The following PAK2 variants were observed in gnomAD, a reference collection of about 807,000 sequenced individuals.
PAK2 encodes p21 (RAC1) activated kinase 2, also known as serine/threonine-protein kinase PAK 2.
In PAK2, 21 loss-of-function variants were observed where a neutral mutation model predicts 65.9. That is an observed-to-expected ratio of 0.32 (90% confidence interval 0.23 to 0.46). The LOEUF (loss-of-function observed/expected upper bound fraction) is 0.46. Among genes scored for constraint, PAK2 ranks in the 20% least tolerant of loss-of-function variants. The probability of loss-of-function intolerance (pLI) is 1.00; values close to 1 mark genes in which losing one functional copy is unlikely to be tolerated. For missense variants in PAK2, 324 were observed against 642.6 expected (o/e 0.50, Z 5.36); for synonymous variants, 204 against 219.7 (o/e 0.93, Z 0.63).
At chr3:196,774,002 C>T (rs189219370) in intron 1 of PAK2, among the ~76,000 whole-genome samples, 1 of 152,252 alleles carries the variant, frequency 6.6e-6, no homozygotes, top group Non-Finnish European at 1.5e-5. Flanking sequence ...CACTGCACTC[C>T]AGCCTGGGGA....
rs761844458 is a variant in PAK2 at position 196,805,357 on chromosome 3, G to C, written c.442G>C (p.Asp148His). The C allele has an allele frequency of 1.4e-6, 2 of 1,446,410 alleles. No homozygotes were observed. The highest frequency in any genetic ancestry group is 2.6e-5 in the South Asian group (2 of 77,398). 89.6% of individuals were successfully genotyped at this position (1,446,410 alleles called of 1,614,324 possible). ...KYLSFTPPEKDGFPSGTPALN... is the reference protein window; with the variant it reads ...KYLSFTPPEKHGFPSGTPALN... The stretch of plus-strand genomic sequence containing the variant: ...ATGTTTTGTTTCATATTCAGAGAAA[G>C]ATGGCTTTCCTTCTGGAACACCAGC... The change falls in exon 5 of 15, where the codon GAT becomes CAT. Residue 148 changes from aspartate to histidine, a missense_variant. Around this residue, in one of 5 missense-constraint regions of PAK2, gnomAD observed 183 missense variants for 246.2 expected, o/e 0.74. Coordinates refer to ENST00000327134, the MANE Select transcript of PAK2 (RefSeq NM_002577.4).
rs1713124925 is a variant in PAK2, at chr3:196,739,922, G to C, written c.-257G>C. ...GGTTGTTCCGCTTCCCCTCCGGCCCGGGCCGTCGCCATTGCCGAAGGCTCC... is the reference window on the plus strand; with the variant it reads ...GGTTGTTCCGCTTCCCCTCCGGCCCCGGCCGTCGCCATTGCCGAAGGCTCC... On this transcript the variant is annotated 5_prime_UTR_variant, in exon 1 of 15. Coordinates refer to ENST00000327134, the MANE Select transcript of PAK2 (RefSeq NM_002577.4). 6.6e-6 allele frequency: 1 copy of C among 152,084 alleles called. No homozygotes were observed. The highest frequency in any genetic ancestry group is 6.5e-5 in the Admixed American group (1 of 15,276). The allele number at this position is 152,084 out of a possible 1,614,324, so 9.4% of individuals were successfully genotyped here.
intron 2 of PAK2, among the ~76,000 whole-genome samples, chr3:196,793,712 CAAGAA>C (rs1443662898): frequency 6.6e-6 from 1 of 152,050 alleles, no homozygotes. Context: ...ATCCATGAAA[CAAGAA>C]AAGAGTTCGC....
In PAK2 at chr3:196,739,997, G is replaced by A. The variant is rs1713128563; in HGVS notation, c.-182G>A. The A allele has an allele frequency of 1.3e-5, 2 of 151,726 alleles. No homozygotes were observed. The highest frequency in any genetic ancestry group is 4.1e-4 in the South Asian group (2 of 4,824). 9.4% of individuals were successfully genotyped at this position (151,726 alleles called of 1,614,324 possible). On this transcript the variant is annotated 5_prime_UTR_variant, in exon 1 of 15. Transcript: ENST00000327134. ...CAGGACTCCGCCGCCGCTGGGCCTA[G>A]CGGTAGCAGCGGCTGCTCCAGCGCG...
At chr3:196,746,069 C>T (rs1313528151) in intron 1 of PAK2, among the ~76,000 whole-genome samples, 4 of 151,672 alleles carry the variant, frequency 2.6e-5, no homozygotes, top group African/African-American at 7.3e-5. Flanking sequence ...CCTCGTGATC[C>T]GCCTGCCTCA....
chr3:196,808,634 G>C (rs944421318), intron 7 of PAK2, among the ~76,000 whole-genome samples: 1 of 150,752 alleles, frequency 6.6e-6, no homozygotes, highest in Non-Finnish European at 1.5e-5. Context: ...GGAGACCAAG[G>C]TGGGTGGATC....
chr3:196,825,553 G>A (rs1296986482), intron 13 of PAK2, among the ~76,000 whole-genome samples: 1 of 151,786 alleles, frequency 6.6e-6, no homozygotes, highest in East Asian at 1.9e-4. Context: ...TGAGGCAGGA[G>A]AATCGCTTGA....
At chr3:196,788,380 A>G (rs1266205692) in intron 2 of PAK2, among the ~76,000 whole-genome samples, 1 of 152,220 alleles carries the variant, frequency 6.6e-6, no homozygotes, top group African/African-American at 2.4e-5. Context: ...AAAAACAGCT[A>G]ATATTTTTAT....
chr3:196,822,864 C>G (rs891651132), intron 13 of PAK2, among the ~76,000 whole-genome samples: 4 of 152,084 alleles, frequency 2.6e-5, no homozygotes, highest in Admixed American at 2.6e-4. Context: ...AAAGCAGGAG[C>G]GTTCCTTGTG....
At chr3:196,755,574 T>G (rs372562291) in intron 1 of PAK2, among the ~76,000 whole-genome samples, 331 of 152,132 alleles carry the variant, frequency 2.2e-3, no homozygotes, top group African/African-American at 7.7e-3. Context: ...CTCTCCTGCC[T>G]TAGCCTCCTG....
intron 2 of PAK2, among the ~76,000 whole-genome samples, chr3:196,800,857 A>G (rs1314080780): frequency 6.6e-6 from 1 of 152,198 alleles, no homozygotes; most frequent in African/African-American, 2.4e-5. Context: ...CGTAAGATCC[A>G]GAAAATAGAT....
intron 2 of PAK2, among the ~76,000 whole-genome samples, chr3:196,785,633 C>G (rs754449158): frequency 1.3e-5 from 2 of 152,254 alleles, no homozygotes; most frequent in East Asian, 3.9e-4. Context: ...TATCTGTTCA[C>G]TATCTATATT....
At chr3:196,818,523 C>G (rs1019849420) in intron 12 of PAK2, among the ~76,000 whole-genome samples, 2 of 152,154 alleles carry the variant, frequency 1.3e-5, no homozygotes, top group African/African-American at 4.8e-5. Context: ...TGCACCACCA[C>G]ACCCAGCTAA....
intron 1 of PAK2, among the ~76,000 whole-genome samples, chr3:196,751,663 T>TAAATATATATATATA (rs1713589849): frequency 2.2e-5 from 1 of 45,748 alleles, no homozygotes; most frequent in Non-Finnish European, 4.0e-5. Context: ...ACACACAAAT[T>TAAATATATATATATA]TATTTATATA....
chr3:196,782,495 G>A lies in PAK2; in HGVS notation c.-21-131G>A, dbSNP rs1470566778. On this transcript the variant is annotated intron_variant, in intron 1 of 14. Coordinates refer to ENST00000327134, the MANE Select transcript of PAK2 (RefSeq NM_002577.4). ...CATCTTTTACACATTGATTTTTCCA[G>A]ATTTTGCAAATGTCACTATAAATGG... 18 of 564,166 alleles carry A rather than the reference G, an allele frequency of 3.2e-5. 1 individual carries two copies. The Admixed American group carries it at 5.9e-4, about 19-fold the overall frequency. 34.9% of individuals were successfully genotyped at this position (564,166 alleles called of 1,614,324 possible).
intron 2 of PAK2, among the ~76,000 whole-genome samples, chr3:196,783,387 C>T (rs1360384293): frequency 6.6e-6 from 1 of 152,026 alleles, no homozygotes; most frequent in East Asian, 1.9e-4. Context: ...TTTGTTGTTG[C>T]AGGGACCTAT....
intron 1 of PAK2, among the ~76,000 whole-genome samples, chr3:196,776,158 T>G (rs1217299000): frequency 1.3e-5 from 2 of 152,176 alleles, no homozygotes; most frequent in Admixed American, 6.5e-5. Context: ...GACGTACGGA[T>G]TGATGGGGCA....
chr3:196,807,607 A>G (rs1715628310), intron 6 of PAK2, among the ~76,000 whole-genome samples, 175 bp from the exon 7 acceptor site: 1 of 152,196 alleles, frequency 6.6e-6, no homozygotes, highest in Non-Finnish European at 1.5e-5. Flanking sequence ...AATGTTTCAC[A>G]TTTATTCTTC....
At chr3:196,785,075 T>C (rs570626110) in intron 2 of PAK2, 1 of 152,416 alleles carries the variant, frequency 6.6e-6, no homozygotes, top group South Asian at 2.1e-4. Flanking sequence ...TATGTGCTGC[T>C]GAAGCGAGCA....
Sources: gnomAD v4.1 joint callset for allele counts (sites outside exome capture counted in the v4.1 genomes callset) on GRCh38, gnomAD v4.1.1 for gene constraint, gnomAD v4.1.1 regional missense constraint, MANE v1.5 for transcripts, NCBI Gene and HGNC (gene_info 2026-07-23, HGNC 2026-07-21) for gene names.